Variants in CTTN observed in about 807,000 individuals in gnomAD.
The protein encoded by CTTN is cortactin, also known as src substrate cortactin.
In CTTN, 28 loss-of-function variants were observed where a neutral mutation model predicts 84.0. The ratio of observed to expected loss-of-function variants is 0.33; its 90% CI spans 0.25 to 0.46. CTTN has a LOEUF of 0.46. Ranked by LOEUF, CTTN falls within the 20% of genes least tolerant of loss-of-function variation. CTTN has a pLI of 1.00. For synonymous variants in CTTN, 301 were observed against 288.8 expected, an observed-to-expected ratio of 1.04 and a Z score of -0.43; for missense variants, 641 against 723.8, an observed-to-expected ratio of 0.89 and a Z score of 1.31.
At chr11:70,433,587 G>A (rs1344571464) in intron 16 of CTTN, 60 bp from the exon 17 acceptor site, 3 of 1,293,404 alleles carry the variant, frequency 2.3e-6, no homozygotes, top group Non-Finnish European at 3.4e-6. Flanking sequence ...TAAAACTTGA[G>A]AAGGCTGGGA....
chr11:70,415,249 G>A (rs2058144661), intron 6 of CTTN, among the ~76,000 whole-genome samples: 1 of 152,226 alleles, frequency 6.6e-6, no homozygotes, highest in South Asian at 2.1e-4. Flanking sequence ...TCTCACGGGT[G>A]TTTGCTCAGA....
Position 70,410,840 on chromosome 11 carries a change from C to T in CTTN, c.291+880C>T, listed in dbSNP as rs73516277. ...CCAGCCGGTAATTCCATACCCCTCT[C>T]CCACCTCATGCACCAGCCAGATGAA... On this transcript the variant is annotated intron_variant, in intron 5 of 17. Coordinates refer to ENST00000301843, the MANE Select transcript of CTTN (RefSeq NM_005231.4). 2.9e-3 allele frequency among the ~76,000 whole-genome samples: 437 copies of T among 152,274 alleles called. 3 individuals carry two copies. The highest frequency in any genetic ancestry group is 9.8e-3 in the African/African-American group (406 of 41,544).
At position 70,429,410 on chromosome 11, in the gene CTTN, G is replaced by A. The variant is rs538030534; in HGVS notation, c.1176+211G>A. Among the ~76,000 whole-genome samples, 6 of 152,268 alleles carry A rather than the reference G, an allele frequency of 3.9e-5. No individual in the cohort carries two copies. In the South Asian group the frequency reaches 8.3e-4, roughly 21 times the overall value. On this transcript the variant is annotated intron_variant, in intron 14 of 17. Coordinates refer to ENST00000301843, the MANE Select transcript of CTTN (RefSeq NM_005231.4). ...TCTGGCCACAATGCTCCAGGCAGCC[G>A]GCTAGCGCTATCCTGGTCTTGCCGG...
intron 15 of CTTN, among the ~76,000 whole-genome samples, chr11:70,432,691 C>T (rs1424273725): frequency 3.3e-5 from 5 of 152,244 alleles, no homozygotes; most frequent in Non-Finnish European, 7.3e-5. Context: ...GGTCGAGCAG[C>T]ACAGGCAGGA....
At chr11:70,414,437 C>A in intron 5 of CTTN, 105 bp from the exon 6 acceptor site, 1 of 802,420 alleles carries the variant, frequency 1.2e-6, no homozygotes, top group Non-Finnish European at 2.1e-6. Context: ...TGTAAGGTTT[C>A]CCTGCACTGA....
intron 7 of CTTN, 31 bp from the exon 8 acceptor site, chr11:70,416,982 C>A (rs781592658): frequency 1.3e-6 from 2 of 1,504,914 alleles, no homozygotes; most frequent in Non-Finnish European, 1.9e-6. Context: ...GTCCTCAGGC[C>A]CCCGTGCTAA....
In CTTN at chr11:70,398,530, G is replaced by A. The variant is rs1462187475; in HGVS notation, c.-182G>A. On this transcript the variant is annotated 5_prime_UTR_variant, in exon 1 of 18. Transcript: ENST00000301843. The stretch of plus-strand genomic sequence containing the variant: ...GGATGCGGCCCCGCCCCCGCCCTCG[G>A]AACCGGAAGTAGAGCCTGGTGCCTG... The A allele has an allele frequency of 6.6e-6, 1 of 151,938 alleles. No individual in the cohort carries two copies. The highest frequency in any genetic ancestry group is 1.9e-4 in the East Asian group (1 of 5,132). The allele number at this position is 151,938 out of a possible 1,614,324, so 9.4% of individuals were successfully genotyped here.
At chr11:70,426,621 C>T (rs1270568318) in intron 13 of CTTN, among the ~76,000 whole-genome samples, 3 of 150,398 alleles carry the variant, frequency 2.0e-5, no homozygotes, top group South Asian at 2.1e-4. Context: ...ATCACTTTGT[C>T]GCCCAGGCTG....
Position 70,435,424 on chromosome 11 carries a change from G to T in CTTN, c.*262G>T, listed in dbSNP as rs1262654357. ...TGGTAATTGGTTTTATGCATTGATG[G>T]TTTTTTTTTTCTTTTTTGCCAAATT... is the stretch of plus-strand genomic sequence containing the variant. On this transcript the variant is annotated 3_prime_UTR_variant, in exon 18 of 18. Coordinates refer to ENST00000301843, the MANE Select transcript of CTTN (RefSeq NM_005231.4). 2.9e-6 allele frequency: 4 copies of T among 1,381,476 alleles called. No individual in the cohort carries two copies. Among genetic ancestry groups the T allele is most frequent in the Non-Finnish European group, 3.8e-6 (4 of 1,042,816 alleles). The allele number at this position is 1,381,476 out of a possible 1,614,324, so 85.6% of individuals were successfully genotyped here.
rs995432969 is a variant in CTTN at position 70,432,987 on chromosome 11, G to T, written c.1267-114G>T. 1.2e-5 allele frequency: 14 copies of T among 1,151,832 alleles called. No individual in the cohort carries two copies. In the East Asian group the frequency reaches 3.3e-4, roughly 27 times the overall value. The allele number at this position is 1,151,832 out of a possible 1,614,324, so 71.4% of individuals were successfully genotyped here. A position where few individuals can be genotyped will look rare whatever the true frequency, so the allele number is the denominator to read the frequency against. On this transcript the variant is annotated intron_variant, in intron 15 of 17. Transcript: ENST00000301843. ...ATACCGCGTCTGTTTTCTCAGTCCT[G>T]GCTGGGACTGAGAATTAGATGGCCC...
rs550677984 is a variant in CTTN, at chr11:70,432,723, G to A, written c.1267-378G>A. On this transcript the variant is annotated intron_variant, in intron 15 of 17. Transcript: ENST00000301843. ...AGGAGGGTGGCCGCTCGGCCCAAGG[G>A]TGCCTTGTGTGGCCTTGGAGATGAG... Among the ~76,000 whole-genome samples the A allele has an allele frequency of 2.6e-5, 4 of 152,244 alleles. No homozygotes were observed. The South Asian group carries it at 6.2e-4, about 24-fold the overall frequency.
In CTTN at chr11:70,435,590, C is replaced by T; in HGVS notation, c.*428C>T. On this transcript the variant is annotated 3_prime_UTR_variant, in exon 18 of 18. Transcript: ENST00000301843. The stretch of plus-strand genomic sequence containing the variant: ...GTGGCGGGTAGGCAGGAAGGACTGT[C>T]CCAGACGAGGGGCTTCCTCTAGAGT... The T allele has an allele frequency of 6.4e-7, 1 of 1,572,996 alleles. No homozygotes were observed. Among genetic ancestry groups the T allele is most frequent in the East Asian group, 2.3e-5 (1 of 43,566 alleles).
At chr11:70,410,929 C>T (rs1478112403) in intron 5 of CTTN, among the ~76,000 whole-genome samples, 5 of 152,142 alleles carry the variant, frequency 3.3e-5, no homozygotes, top group Non-Finnish European at 5.9e-5. Flanking sequence ...CTCTGTCCCC[C>T]GCAGAGTAGA....
At chr11:70,434,890 C>T in intron 17 of CTTN, 136 bp from the exon 18 acceptor site, 3 of 897,504 alleles carry the variant, frequency 3.3e-6, no homozygotes. Context: ...CAGCAGGAGC[C>T]TCCGCGGTGG....
chr11:70,409,776 C>T, intron 4 of CTTN, 55 bp from the exon 5 acceptor site: 1 of 1,585,436 alleles, frequency 6.3e-7, no homozygotes, highest in Non-Finnish European at 8.6e-7. Flanking sequence ...TACCAGGAGG[C>T]AAAGCTGCAC....
intron 6 of CTTN, 65 bp from the exon 7 acceptor site, chr11:70,415,598 A>C: frequency 3.0e-6 from 4 of 1,338,290 alleles, no homozygotes; most frequent in Non-Finnish European, 4.3e-6. Context: ...GAATTCAGAG[A>C]GATTGTTTCA....
chr11:70,409,786 C>T (rs377059104), intron 4 of CTTN, 45 bp from the exon 5 acceptor site: 329 of 1,599,016 alleles, frequency 2.1e-4, no homozygotes, highest in Non-Finnish European at 2.3e-4. Context: ...CAAAGCTGCA[C>T]GTCTGTTTTA....
chr11:70,418,695 G>A (rs2058192107), intron 8 of CTTN, among the ~76,000 whole-genome samples: 1 of 152,082 alleles, frequency 6.6e-6, no homozygotes, highest in Non-Finnish European at 1.5e-5. Context: ...CCTGAGCTTA[G>A]AGCCTTATCA....
At chr11:70,424,090 G>A (rs918638259) in intron 12 of CTTN, among the ~76,000 whole-genome samples, 35 of 152,154 alleles carry the variant, frequency 2.3e-4, no homozygotes, top group African/African-American at 7.7e-4. Context: ...GGGTGTCAGC[G>A]AGAGAGAGCT....
Sources: allele counts gnomAD v4.1 joint callset (sites outside exome capture counted in the v4.1 genomes callset), GRCh38; gene constraint gnomAD v4.1.1; transcripts MANE v1.5; gene names NCBI Gene and HGNC (gene_info 2026-07-23, HGNC 2026-07-21).